The following PSMA1 variants were observed in gnomAD, a reference collection of about 807,000 sequenced individuals.
PSMA1 encodes proteasome 20S subunit alpha 1.
Under a neutral mutation model 38.4 loss-of-function variants are expected in PSMA1, and 3 were observed. The ratio of observed to expected loss-of-function variants is 0.08; its 90% confidence interval spans 0.04 to 0.20. The LOEUF (loss-of-function observed/expected upper bound fraction) is 0.20. PSMA1 is among the 10% of genes least tolerant of loss of function. The pLI, the probability that PSMA1 is intolerant of heterozygous loss-of-function variation, is 1.00. For synonymous variants in PSMA1, 101 were observed against 107.1 expected (o/e 0.94, Z 0.35); for missense variants, 227 against 325.3 (o/e 0.70, Z 2.32).
intron 1 of PSMA1, among the ~76,000 whole-genome samples, chr11:14,639,087 C>T (rs1419223538): frequency 5.3e-5 from 8 of 151,888 alleles, no homozygotes; most frequent in African/African-American, 7.3e-5. Context: ...AAACTTGAAA[C>T]GGAAAGAGGA....
chr11:14,591,739 T>G (rs1479358806), intron 2 of PSMA1, among the ~76,000 whole-genome samples: 1 of 151,942 alleles, frequency 6.6e-6, no homozygotes, highest in African/African-American at 2.4e-5. Context: ...AGCTCAGGGA[T>G]TGTAAAGGCA....
intron 1 of PSMA1, among the ~76,000 whole-genome samples, chr11:14,613,919 T>C (rs1852738171): frequency 6.6e-6 from 1 of 152,212 alleles, no homozygotes; most frequent in African/African-American, 2.4e-5. Context: ...AAATCAAAAT[T>C]ACTTTATCAC....
intron 2 of PSMA1, among the ~76,000 whole-genome samples, chr11:14,554,727 C>T (rs1438265417): frequency 6.6e-6 from 1 of 152,070 alleles, no homozygotes; most frequent in African/African-American, 2.4e-5. Flanking sequence ...GTAAGATTCA[C>T]TTTTTTTAAA....
At chr11:14,600,142 A>C (rs186160056) in intron 2 of PSMA1, among the ~76,000 whole-genome samples, 1 of 152,194 alleles carries the variant, frequency 6.6e-6, no homozygotes, top group South Asian at 2.1e-4. Flanking sequence ...GCAGCCACCT[A>C]TATGAGGTGT....
intron 2 of PSMA1, among the ~76,000 whole-genome samples, chr11:14,610,321 T>A: frequency 6.8e-6 from 1 of 147,718 alleles, no homozygotes; most frequent in Non-Finnish European, 1.5e-5. Context: ...CACCCCATGC[T>A]GATAAGAGTG....
At chr11:14,636,925 G>A (rs1392248339) in intron 1 of PSMA1, among the ~76,000 whole-genome samples, 1 of 152,090 alleles carries the variant, frequency 6.6e-6, no homozygotes, top group African/African-American at 2.4e-5. Context: ...CAATTATAAT[G>A]GTTTCTTAAA....
rs547640854 is a variant in PSMA1 at position 14,540,582 on chromosome 11, A to G, written c.22-21541T>C. On this transcript the variant is annotated intron_variant, in intron 2 of 10. Coordinates refer to the PSMA1 transcript ENST00000418988. ...GATTGCAATTGGGTTTTCACACAAC[A>G]ATAAAATACTACTCCTATCAGAAAG... Among the ~76,000 whole-genome samples, 7 of 152,350 alleles carry G rather than the reference A, an allele frequency of 4.6e-5. No individual in the cohort carries two copies. In the East Asian group the frequency reaches 5.8e-4, roughly 13 times the overall value.
intron 2 of PSMA1, among the ~76,000 whole-genome samples, chr11:14,554,007 G>GTA (rs1211847900): frequency 6.6e-6 from 1 of 152,096 alleles, no homozygotes; most frequent in African/African-American, 2.4e-5. Flanking sequence ...ATCCTAATAG[G>GTA]TATATAATGA....
At chr11:14,597,432 G>T (rs1236039216) in intron 2 of PSMA1, among the ~76,000 whole-genome samples, 3 of 152,042 alleles carry the variant, frequency 2.0e-5, no homozygotes, top group South Asian at 2.1e-4. Flanking sequence ...GCCTGTTATT[G>T]GTCTATTCAG....
chr11:14,641,303 A>G (rs905301700), intron 1 of PSMA1, among the ~76,000 whole-genome samples: 4 of 152,176 alleles, frequency 2.6e-5, no homozygotes, highest in Admixed American at 1.3e-4. Flanking sequence ...TAATGGTCAT[A>G]AATTCTTGAA....
chr11:14,580,461 T>C (rs976707966), intron 2 of PSMA1, among the ~76,000 whole-genome samples: 1 of 152,164 alleles, frequency 6.6e-6, no homozygotes, highest in Non-Finnish European at 1.5e-5. Context: ...TTCTCTTCAA[T>C]AAGTTGGCAT....
intron 2 of PSMA1, among the ~76,000 whole-genome samples, chr11:14,533,884 A>C (rs765210380): frequency 7.2e-5 from 11 of 152,184 alleles, no homozygotes; most frequent in Middle Eastern, 3.4e-3. Context: ...AGAACACATA[A>C]AATTAATATC....
intron 2 of PSMA1, among the ~76,000 whole-genome samples, chr11:14,604,860 T>C (rs1852623010): frequency 6.6e-6 from 1 of 152,222 alleles, no homozygotes; most frequent in African/African-American, 2.4e-5. Context: ...TAATGACCTC[T>C]AATTGCTGCA....
intron 1 of PSMA1, among the ~76,000 whole-genome samples, chr11:14,640,639 T>C (rs915806522): frequency 6.6e-6 from 1 of 151,620 alleles, no homozygotes; most frequent in Admixed American, 6.8e-5. Flanking sequence ...GGAACATAGG[T>C]ATTGTTAACA....
At chr11:14,557,109 C>T (rs1851948218) in intron 2 of PSMA1, among the ~76,000 whole-genome samples, 2 of 152,178 alleles carry the variant, frequency 1.3e-5, no homozygotes, top group African/African-American at 4.8e-5. Context: ...TTCTGGGAAT[C>T]CAGGCATAAG....
intron 2 of PSMA1, among the ~76,000 whole-genome samples, chr11:14,549,287 G>A (rs928838425): frequency 2.6e-5 from 4 of 152,094 alleles, no homozygotes; most frequent in African/African-American, 9.7e-5. Flanking sequence ...CAGTGAAATG[G>A]GAACTGTACA....
intron 2 of PSMA1, among the ~76,000 whole-genome samples, chr11:14,553,617 T>C (rs1299093356): frequency 6.6e-6 from 1 of 151,910 alleles, no homozygotes; most frequent in African/African-American, 2.4e-5. Flanking sequence ...CATAATTTTC[T>C]TGAGACTCAT....
At chr11:14,635,874 T>C (rs925394913) in intron 1 of PSMA1, among the ~76,000 whole-genome samples, 1 of 152,234 alleles carries the variant, frequency 6.6e-6, no homozygotes, top group African/African-American at 2.4e-5. Context: ...TCATATTTTT[T>C]ACTCTCTTAT....
chr11:14,569,026 G>A (rs902505406), intron 2 of PSMA1, among the ~76,000 whole-genome samples: 2 of 152,180 alleles, frequency 1.3e-5, no homozygotes, highest in African/African-American at 4.8e-5. Context: ...TGCTGCAAAG[G>A]TCTCTGACAT....
Sources: gnomAD v4.1 joint callset for allele counts (sites outside exome capture counted in the v4.1 genomes callset) on GRCh38, gnomAD v4.1.1 for gene constraint, MANE v1.5 for transcripts, NCBI Gene and HGNC (gene_info 2026-07-23, HGNC 2026-07-21) for gene names.